HERC6: variants seen among roughly 807,000 people sequenced by gnomAD.
HERC6 encodes the protein probable E3 ubiquitin-protein ligase HERC6.
Under a neutral mutation model 114.5 loss-of-function variants are expected in HERC6, and 101 were observed. The ratio of observed to expected loss-of-function variants is 0.88; its 90% CI spans 0.75 to 1.04. The LOEUF is 1.04. HERC6 is among the 50% of genes least tolerant of loss of function. The pLI, the probability that HERC6 is intolerant of heterozygous loss-of-function variation, is 0.00. For missense variants in HERC6, 1,133 were observed against 1,230.9 expected, an observed-to-expected ratio of 0.92 and a Z score of 1.19; for synonymous variants, 408 against 436.2, an observed-to-expected ratio of 0.94 and a Z score of 0.81.
chr4:88,379,641 T>TATAA (rs1560527673), intron 1 of HERC6, among the ~76,000 whole-genome samples: 4 of 119,566 alleles, frequency 3.3e-5, no homozygotes, highest in African/African-American at 1.3e-4. Context: ...TATATAAAAA[T>TATAA]ATATATATAA....
At chr4:88,387,274 G>A (rs993811436) in intron 3 of HERC6, among the ~76,000 whole-genome samples, 10 of 152,174 alleles carry the variant, frequency 6.6e-5, no homozygotes, top group Admixed American at 6.5e-5. Flanking sequence ...GTATGCACCT[G>A]TAGTTCCAAC....
rs1169399221 is a variant in HERC6 at position 88,417,574 on chromosome 4, C to G, written c.1708C>G (p.His570Asp). Residue 570 changes from histidine to aspartate, a missense_variant, in exon 13 of 23, where the codon CAT (histidine) becomes GAT (aspartate). By Grantham distance (81) the His-to-Asp change is moderately conservative (BLOSUM62 -1). Transcript: ENST00000264346. ...TCTTTTAGGAATGATGAAAGAACTG[C>G]ATAAGGTAAGGGTTACTCTAAAGGA... is the stretch of plus-strand genomic sequence containing the variant. The part of the protein sequence containing the change: ...KALLGMMKEL[H>D]KVNKANCRLP... 10 of 1,612,122 alleles carry G rather than the reference C, an allele frequency of 6.2e-6. No homozygotes were observed. Among genetic ancestry groups the G allele is most frequent in the Non-Finnish European group, 7.6e-6 (9 of 1,179,052 alleles).
intron 4 of HERC6, among the ~76,000 whole-genome samples, chr4:88,391,394 A>G (rs1734911341): frequency 6.6e-6 from 1 of 152,204 alleles, no homozygotes. Context: ...CCCTTGTTTT[A>G]AGGTCAACTG....
At chr4:88,438,175 T>C (rs1738962873) in intron 20 of HERC6, among the ~76,000 whole-genome samples, 3 of 151,908 alleles carry the variant, frequency 2.0e-5, no homozygotes, top group Non-Finnish European at 4.4e-5. Flanking sequence ...GGTGATTGTT[T>C]TAGCTCCTAA....
Position 88,396,118 on chromosome 4 carries a change from T to C in HERC6, c.863T>C (p.Leu288Pro), listed in dbSNP as rs749921408. The change falls in exon 6 of 23, where the codon CTA (leucine) becomes CCA (proline). Residue 288 changes from leucine (L) to proline (P), a missense_variant. Physicochemically the swap from Leu to Pro is moderately conservative, Grantham distance 98. Around this residue, in one of 3 missense-constraint regions of HERC6, gnomAD observed 735 missense variants for 754.0 expected, o/e 0.97. Coordinates refer to ENST00000264346, the MANE Select transcript of HERC6 (RefSeq NM_017912.4). ...GPQLVERIDG[L>P]VSQIDCGSYH... ...CAACTTGTGGAAAGAATTGATGGCC[T>C]AGTTTCGCAGATAGATTGTGGAAGG... is the stretch of plus-strand genomic sequence containing the variant. 3 of 1,602,032 alleles carry C rather than the reference T, an allele frequency of 1.9e-6. No individual in the cohort carries two copies. The Admixed American group carries it at 5.2e-5, about 28-fold the overall frequency.
chr4:88,422,659 T>C (rs1244780412), intron 13 of HERC6, among the ~76,000 whole-genome samples: 2 of 152,198 alleles, frequency 1.3e-5, no homozygotes, highest in African/African-American at 4.8e-5. Context: ...CATATTTGCA[T>C]CTATATTCAT....
intron 12 of HERC6, among the ~76,000 whole-genome samples, chr4:88,415,731 G>A (rs1293262912): frequency 6.6e-6 from 1 of 152,172 alleles, no homozygotes; most frequent in African/African-American, 2.4e-5. Context: ...CATATTCTGT[G>A]AACTCTTACT....
chr4:88,394,474 C>CAAAA (rs781425955), intron 5 of HERC6, among the ~76,000 whole-genome samples: 2 of 42,896 alleles, frequency 4.7e-5, no homozygotes, highest in East Asian at 5.5e-4. Flanking sequence ...CTCTCCTGTC[C>CAAAA]AAAAAAAAAA....
Position 88,428,698 on chromosome 4 carries a change from C to G in HERC6, c.2054C>G (p.Ala685Gly), listed in dbSNP as rs374773470. The change falls in exon 16 of 23, where the codon GCT (alanine) becomes GGT (glycine). Residue 685 changes from alanine to glycine, a missense_variant. By Grantham distance (60) the Ala-to-Gly change is moderately conservative. This residue lies in a region of HERC6 where 388 missense variants were observed against 445.9 expected (regional missense o/e 0.87). Transcript: ENST00000264346. ...AGACGAAGTCGCCTGGTTAAAGATG[C>G]TCTGCGTCAATTAAGTCAAGCTGAA... ...RVRRSRLVKDALRQLSQAEAT... is the reference protein window; with the variant it reads ...RVRRSRLVKDGLRQLSQAEAT... 3.9e-5 allele frequency: 62 copies of G among 1,596,040 alleles called. No homozygotes were observed. The African/African-American group carries it at 7.8e-4, about 20-fold the overall frequency.
chr4:88,435,671 CT>C, intron 17 of HERC6, 53 bp from the exon 18 acceptor site: 2 of 1,187,476 alleles, frequency 1.7e-6, no homozygotes, highest in Non-Finnish European at 2.2e-6. Flanking sequence ...CTAATTATCC[CT>C]TTGTATTACT....
intron 2 of HERC6, 86 bp downstream of exon 2, chr4:88,383,466 C>T (rs752849217): frequency 8.9e-5 from 97 of 1,095,794 alleles, no homozygotes; most frequent in Non-Finnish European, 1.1e-4. Flanking sequence ...GATACAAAGA[C>T]GACTATGACA....
chr4:88,412,233 A>G (rs1459457378), intron 11 of HERC6, among the ~76,000 whole-genome samples: 1 of 152,230 alleles, frequency 6.6e-6, no homozygotes, highest in Non-Finnish European at 1.5e-5. Context: ...TAAGTACTCA[A>G]TGAATGTTCA....
rs73841941 is a variant in HERC6, at chr4:88,431,123, T to C, written c.2107-39T>C. 2,916 of 1,572,954 alleles carry C rather than the reference T, an allele frequency of 1.9e-3. 47 individuals are homozygous for C. In the African/African-American group the frequency reaches 0.033, roughly 18 times the overall value. On this transcript the variant is annotated intron_variant, in intron 16 of 22. Coordinates refer to ENST00000264346, the MANE Select transcript of HERC6 (RefSeq NM_017912.4). ...CTTCCATAAAGCTCAAAACATTGTA[T>C]TTTAAGTCAGGATCTGGGACTATGT...
chr4:88,426,030 A>T (rs1473842356), intron 15 of HERC6, among the ~76,000 whole-genome samples: 2 of 152,154 alleles, frequency 1.3e-5, no homozygotes, highest in Non-Finnish European at 2.9e-5. Context: ...CGCTAATTAC[A>T]TGGCTTACAT....
At chr4:88,403,159 G>A (rs944448216) in intron 8 of HERC6, among the ~76,000 whole-genome samples, 15 of 152,174 alleles carry the variant, frequency 9.9e-5, no homozygotes, top group African/African-American at 3.6e-4. Flanking sequence ...ATTATATAGA[G>A]CAATGGTTCT....
chr4:88,410,223 C>T (rs1266000967), intron 11 of HERC6, among the ~76,000 whole-genome samples: 1 of 152,126 alleles, frequency 6.6e-6, no homozygotes, highest in African/African-American at 2.4e-5. Flanking sequence ...CACATCAATC[C>T]ACATATATAA....
chr4:88,394,474 CAAAA>C (rs781425955), intron 5 of HERC6, among the ~76,000 whole-genome samples: 1 of 42,898 alleles, frequency 2.3e-5, no homozygotes, highest in Admixed American at 2.7e-4. Context: ...CTCTCCTGTC[CAAAA>C]AAAAAAAAAA....
At chr4:88,404,767 A>C in intron 8 of HERC6, 109 bp from the exon 9 acceptor site, 2 of 1,381,276 alleles carry the variant, frequency 1.4e-6, no homozygotes, top group Non-Finnish European at 1.9e-6. Flanking sequence ...AAATGCTACC[A>C]CCCAAGAGGG....
chr4:88,400,822 C>T (rs918308626), intron 8 of HERC6, among the ~76,000 whole-genome samples: 6 of 151,974 alleles, frequency 3.9e-5, no homozygotes, highest in African/African-American at 4.8e-5. Flanking sequence ...TTAATTTATA[C>T]ATTAAACTTG....
Sources: allele counts gnomAD v4.1 joint callset (sites outside exome capture counted in the v4.1 genomes callset), GRCh38; gene constraint gnomAD v4.1.1; regional missense constraint gnomAD v4.1.1; transcripts MANE v1.5; gene names NCBI Gene and HGNC (gene_info 2026-07-23, HGNC 2026-07-21).